The following RSRC1 variants were observed in gnomAD, a reference collection of about 807,000 sequenced individuals.
RSRC1 encodes arginine and serine rich coiled-coil 1.
RSRC1 carries 39 observed loss-of-function variants against 49.1 expected under a neutral mutation model. The observed-to-expected ratio is 0.79, with a 90% confidence interval of 0.61 to 1.04. The LOEUF is 1.04. RSRC1 is among the 50% of genes least tolerant of loss of function. RSRC1 has a pLI of 0.00. For missense variants in RSRC1, 388 were observed against 402.4 expected (o/e 0.96, Z 0.31); for synonymous variants, 143 against 130.8 (o/e 1.09, Z -0.63).
At chr3:158,148,383 G>GTGTA (rs1174160675) in intron 3 of RSRC1, among the ~76,000 whole-genome samples, 7 of 151,776 alleles carry the variant, frequency 4.6e-5, no homozygotes, top group Admixed American at 1.3e-4. Flanking sequence ...GTGTGTGTGT[G>GTGTA]TATGCGGCAC....
chr3:158,347,859 G>A (rs1730641702), intron 5 of RSRC1, among the ~76,000 whole-genome samples: 1 of 151,912 alleles, frequency 6.6e-6, no homozygotes, highest in Admixed American at 6.6e-5. Flanking sequence ...CACCCCAAAT[G>A]TTGTTTCTCT....
At chr3:158,345,226 C>CAA (rs571012725) in intron 5 of RSRC1, among the ~76,000 whole-genome samples, 2 of 119,996 alleles carry the variant, frequency 1.7e-5, no homozygotes, top group African/African-American at 5.6e-5. Context: ...GATTCTGTCT[C>CAA]AAAAAAAAAA....
intron 3 of RSRC1, among the ~76,000 whole-genome samples, chr3:158,199,187 C>G (rs923859612): frequency 3.3e-5 from 5 of 152,152 alleles, no homozygotes; most frequent in Non-Finnish European, 7.3e-5. Flanking sequence ...TAAGATGTGA[C>G]TTGCTACTCC....
intron 4 of RSRC1, among the ~76,000 whole-genome samples, chr3:158,212,043 G>A (rs895207555): frequency 2.0e-5 from 3 of 151,862 alleles, no homozygotes; most frequent in African/African-American, 7.2e-5. Flanking sequence ...CCTCAAGAGT[G>A]TGCTGAGTAC....
chr3:158,354,794 C>T, intron 5 of RSRC1, 63 bp from the exon 6 acceptor site: 2 of 1,199,946 alleles, frequency 1.7e-6, no homozygotes, highest in Non-Finnish European at 2.3e-6. Context: ...TTTAAAACTC[C>T]ATCAATTAAA....
intron 6 of RSRC1, among the ~76,000 whole-genome samples, chr3:158,403,209 G>T (rs1292335498): frequency 1.3e-5 from 2 of 151,764 alleles, no homozygotes; most frequent in South Asian, 2.1e-4. Flanking sequence ...AGGATAATAG[G>T]TATTTACTAT....
At chr3:158,329,961 C>T (rs958781219) in intron 5 of RSRC1, among the ~76,000 whole-genome samples, 46 of 152,302 alleles carry the variant, frequency 3.0e-4, no homozygotes, top group African/African-American at 9.9e-4. Context: ...GCCTCGCTGC[C>T]GCCTTGCAGT....
intron 5 of RSRC1, among the ~76,000 whole-genome samples, chr3:158,324,745 C>T (rs1192371141): frequency 6.6e-6 from 1 of 152,134 alleles, no homozygotes; most frequent in Non-Finnish European, 1.5e-5. Context: ...TGGGTATATA[C>T]CCAGTAATGA....
intron 6 of RSRC1, among the ~76,000 whole-genome samples, chr3:158,363,269 C>CTT (rs10635870): frequency 0.069 from 9,785 of 141,388 alleles, 1,195 homozygotes; most frequent in African/African-American, 0.24. Flanking sequence ...CTTTTTTTTT[C>CTT]TTTTTTTTTT....
At chr3:158,137,419 T>TAA (rs1491015975) in intron 3 of RSRC1, among the ~76,000 whole-genome samples, 2 of 142,388 alleles carry the variant, frequency 1.4e-5, no homozygotes, top group Admixed American at 1.4e-4. Context: ...TATATATATA[T>TAA]AATAACACTA....
intron 6 of RSRC1, among the ~76,000 whole-genome samples, chr3:158,398,298 T>C (rs1179847726): frequency 6.6e-6 from 1 of 152,026 alleles, no homozygotes; most frequent in Non-Finnish European, 1.5e-5. Flanking sequence ...GTCCACGATA[T>C]AGGCACCAGT....
At chr3:158,207,661 A>C (rs548182223) in intron 4 of RSRC1, among the ~76,000 whole-genome samples, 1 of 149,588 alleles carries the variant, frequency 6.7e-6, no homozygotes, top group South Asian at 2.1e-4. Flanking sequence ...AGATAGATAG[A>C]TAGACAGAGA....
chr3:158,544,218 G>T lies in RSRC1; in HGVS notation c.948G>T (p.Trp316Cys). The T allele has an allele frequency of 1.2e-6, 2 of 1,612,760 alleles. No individual in the cohort carries two copies. Among genetic ancestry groups the T allele is most frequent in the Non-Finnish European group, 1.7e-6 (2 of 1,179,478 alleles). ...AGAAAGCTGATGCTGAGGAAAAATGGTTCAAGAGATTAATTGCTCTCCGAC... is the reference window on the plus strand; with the variant it reads ...AGAAAGCTGATGCTGAGGAAAAATGTTTCAAGAGATTAATTGCTCTCCGAC... ...FIEKADAEEK[W>C]FKRLIALRQE... Residue 316 changes from tryptophan (W) to cysteine (C), a missense_variant, in exon 10 of 10, where the codon TGG becomes TGT. Transcript: ENST00000611884.
At chr3:158,143,918 A>G (rs1716913791) in intron 3 of RSRC1, among the ~76,000 whole-genome samples, 1 of 152,200 alleles carries the variant, frequency 6.6e-6, no homozygotes, top group African/African-American at 2.4e-5. Context: ...CTAGCTGTAG[A>G]AAAAGCTAAA....
At chr3:158,350,424 T>C (rs1182613984) in intron 5 of RSRC1, among the ~76,000 whole-genome samples, 2 of 152,100 alleles carry the variant, frequency 1.3e-5, no homozygotes, top group African/African-American at 4.8e-5. Context: ...TCTGCCCGCC[T>C]TGGCCTCCCA....
intron 7 of RSRC1, among the ~76,000 whole-genome samples, chr3:158,482,504 A>T (rs1435011065): frequency 1.3e-5 from 2 of 152,036 alleles, no homozygotes; most frequent in African/African-American, 4.8e-5. Context: ...TTAGATCAAA[A>T]CAAAGCTTCT....
At chr3:158,326,196 C>T (rs1343071343) in intron 5 of RSRC1, among the ~76,000 whole-genome samples, 2 of 152,156 alleles carry the variant, frequency 1.3e-5, no homozygotes, top group Non-Finnish European at 2.9e-5. Context: ...TTGACTTCCT[C>T]TTTTCCTAAC....
At chr3:158,355,800 T>G (rs1049050627) in intron 6 of RSRC1, among the ~76,000 whole-genome samples, 7 of 152,002 alleles carry the variant, frequency 4.6e-5, no homozygotes, top group Non-Finnish European at 5.9e-5. Flanking sequence ...ACATGGTGGA[T>G]GTCTTCCAAG....
chr3:158,531,924 C>G (rs1576612008), intron 7 of RSRC1, among the ~76,000 whole-genome samples: 2 of 151,798 alleles, frequency 1.3e-5, no homozygotes, highest in African/African-American at 2.4e-5. Context: ...CTTTACCATA[C>G]AAACATATTG....
Sources: gnomAD v4.1 joint callset for allele counts (sites outside exome capture counted in the v4.1 genomes callset) on GRCh38, gnomAD v4.1.1 for gene constraint, MANE v1.5 for transcripts, NCBI Gene and HGNC (gene_info 2026-07-23, HGNC 2026-07-21) for gene names.